Variants in RHEX observed in about 807,000 individuals in gnomAD.
RHEX encodes the protein regulator of hemoglobinization and erythroid cell expansion protein.
A neutral mutation model predicts 20.1 loss-of-function variants in RHEX; 18 were observed. That is an observed-to-expected ratio of 0.90 (90% confidence interval 0.62 to 1.33). RHEX has a LOEUF of 1.33. RHEX is among the 40% of genes most tolerant of loss of function. RHEX has a pLI of 0.00. For missense variants in RHEX, 192 were observed against 214.3 expected (o/e 0.90, Z 0.65); for synonymous variants, 87 against 77.1 (o/e 1.13, Z -0.67).
At chr1:206,092,551 T>A (rs1662978037) in intron 1 of RHEX, among the ~76,000 whole-genome samples, 1 of 152,196 alleles carries the variant, frequency 6.6e-6, no homozygotes, top group Non-Finnish European at 1.5e-5. Context: ...GTTATTTTGG[T>A]TTGGTTTTGG....
intron 1 of RHEX, among the ~76,000 whole-genome samples, chr1:206,074,822 C>T (rs1340483473): frequency 6.6e-6 from 1 of 152,234 alleles, no homozygotes; most frequent in Non-Finnish European, 1.5e-5. Flanking sequence ...ACAGAGCACA[C>T]AGTTTATTCA....
intron 1 of RHEX, among the ~76,000 whole-genome samples, chr1:206,089,411 C>T (rs1165934281): frequency 1.3e-5 from 2 of 152,150 alleles, no homozygotes; most frequent in African/African-American, 4.8e-5. Flanking sequence ...TGTATATTTT[C>T]GTAGAACAGA....
At chr1:206,082,480 G>C (rs1662758433) in intron 1 of RHEX, among the ~76,000 whole-genome samples, 1 of 151,386 alleles carries the variant, frequency 6.6e-6, no homozygotes, top group East Asian at 1.9e-4. Context: ...GTCGCACCAT[G>C]GCACTCCAGC....
intron 1 of RHEX, among the ~76,000 whole-genome samples, chr1:206,066,964 T>C (rs1216687839): frequency 6.6e-6 from 1 of 152,208 alleles, no homozygotes; most frequent in Non-Finnish European, 1.5e-5. Context: ...TGGTGGTCAG[T>C]TATCAGGACA....
At chr1:206,059,852 C>G (rs1662276016) in intron 1 of RHEX, among the ~76,000 whole-genome samples, 1 of 152,198 alleles carries the variant, frequency 6.6e-6, no homozygotes, top group African/African-American at 2.4e-5. Context: ...CCCTTCCCCA[C>G]CAGAGCATGG....
chr1:206,087,857 G>T (rs556594929), intron 1 of RHEX, among the ~76,000 whole-genome samples: 1 of 152,332 alleles, frequency 6.6e-6, no homozygotes, highest in East Asian at 1.9e-4. Flanking sequence ...TACAAAAAAT[G>T]ATAAATATGT....
intron 1 of RHEX, chr1:206,061,580 G>C (rs1273028272): frequency 2.0e-5 from 3 of 152,164 alleles, no homozygotes; most frequent in Non-Finnish European, 4.4e-5. Flanking sequence ...CTGTCCTGTA[G>C]GGACAGCCCA....
intron 1 of RHEX, among the ~76,000 whole-genome samples, chr1:206,085,900 A>G (rs1208604510): frequency 6.6e-6 from 1 of 152,196 alleles, no homozygotes; most frequent in Non-Finnish European, 1.5e-5. Context: ...CTCATGCCAT[A>G]TTCCAGATGA....
Position 206,101,968 on chromosome 1 carries a change from A to T in RHEX, c.*16A>T, listed in dbSNP as rs782530745. The T allele has an allele frequency of 1.3e-6, 2 of 1,577,642 alleles. No individual in the cohort carries two copies. The highest frequency in any genetic ancestry group is 1.7e-6 in the Non-Finnish European group (2 of 1,147,214). On this transcript the variant is annotated 3_prime_UTR_variant, in exon 6 of 6. Transcript: ENST00000331555. Reference sequence around the variant, plus strand: ...GGCCATGTGAATTCCAAATATTTTTAATGGGGTCCAGTTCTCTATGGATTC... The same window carrying T: ...GGCCATGTGAATTCCAAATATTTTTTATGGGGTCCAGTTCTCTATGGATTC...
intron 1 of RHEX, among the ~76,000 whole-genome samples, chr1:206,079,732 T>G (rs1398747114): frequency 6.6e-6 from 1 of 152,132 alleles, no homozygotes; most frequent in Non-Finnish European, 1.5e-5. Flanking sequence ...ATTTTTAAAT[T>G]TTTAGTAGAG....
intron 5 of RHEX, 34 bp downstream of exon 5, chr1:206,101,231 T>C (rs369338703): frequency 3.2e-6 from 5 of 1,539,034 alleles, no homozygotes; most frequent in African/African-American, 2.8e-5. Flanking sequence ...CAGACGAACA[T>C]ATGCAGTCTG....
chr1:206,101,009 C>G (rs978817193), intron 4 of RHEX, 127 bp from the exon 5 acceptor site: 4 of 667,240 alleles, frequency 6.0e-6, no homozygotes, highest in African/African-American at 5.5e-5. Flanking sequence ...CCTACCCCCC[C>G]TTTTTGTTGC....
chr1:206,063,208 G>A (rs1385660712), intron 1 of RHEX, among the ~76,000 whole-genome samples: 1 of 152,094 alleles, frequency 6.6e-6, no homozygotes, highest in Non-Finnish European at 1.5e-5. Flanking sequence ...TACCTGACAT[G>A]GTCAAAGAAA....
chr1:206,064,321 C>A (rs1571854545), intron 1 of RHEX, among the ~76,000 whole-genome samples: 1 of 139,314 alleles, frequency 7.2e-6, no homozygotes, highest in South Asian at 2.3e-4. Flanking sequence ...GGAACCTCTG[C>A]CCGGCCGCCC....
intron 1 of RHEX, among the ~76,000 whole-genome samples, chr1:206,058,137 C>T (rs904738543): frequency 1.6e-4 from 25 of 152,212 alleles, no homozygotes; most frequent in Non-Finnish European, 2.8e-4. Context: ...AAGTGTGGCA[C>T]GGACTCAATC....
At chr1:206,093,654 A>G (rs1663005152) in intron 1 of RHEX, among the ~76,000 whole-genome samples, 1 of 152,008 alleles carries the variant, frequency 6.6e-6, no homozygotes, top group Admixed American at 6.5e-5. Context: ...ATCCAAAGAA[A>G]GCATGGTGTA....
chr1:206,096,110 A>G (rs1321233776), intron 1 of RHEX, among the ~76,000 whole-genome samples: 2 of 152,210 alleles, frequency 1.3e-5, no homozygotes, highest in Non-Finnish European at 2.9e-5. Context: ...GGTTATAGGT[A>G]TGAGCCACTG....
At chr1:206,073,858 G>T (rs1424425552) in intron 1 of RHEX, among the ~76,000 whole-genome samples, 4 of 152,070 alleles carry the variant, frequency 2.6e-5, no homozygotes, top group Non-Finnish European at 5.9e-5. Flanking sequence ...CAACCAGAGG[G>T]TTCCTCTAAA....
chr1:206,064,362 G>T, intron 1 of RHEX, among the ~76,000 whole-genome samples: 1 of 135,988 alleles, frequency 7.4e-6, no homozygotes, highest in African/African-American at 2.9e-5. Context: ...CCTCTGCCTA[G>T]CCAGCTGCCC....
Sources: gnomAD v4.1 joint callset for allele counts (sites outside exome capture counted in the v4.1 genomes callset) on GRCh38, gnomAD v4.1.1 for gene constraint, MANE v1.5 for transcripts, NCBI Gene and HGNC (gene_info 2026-07-23, HGNC 2026-07-21) for gene names.